FABP12: variants seen among roughly 807,000 people sequenced by gnomAD.
FABP12 encodes the protein fatty acid binding protein 12.
A neutral mutation model predicts 13.7 loss-of-function variants in FABP12; 19 were observed. The observed-to-expected ratio is 1.39, with a 90% CI of 0.97 to 2.04. The LOEUF (loss-of-function observed/expected upper bound fraction) is 2.04, where lower values mean the gene tolerates loss of function less well. Among genes scored for constraint, FABP12 ranks in the 30% most tolerant of loss-of-function variants. The pLI is 0.00. For synonymous variants in FABP12, 61 were observed against 57.0 expected, an observed-to-expected ratio of 1.07 and a Z score of -0.32; for missense variants, 182 against 164.2, an observed-to-expected ratio of 1.11 and a Z score of -0.59.
intron 1 of FABP12, among the ~76,000 whole-genome samples, chr8:81,568,656 T>C (rs538853677): frequency 2.6e-5 from 4 of 152,124 alleles, no homozygotes; most frequent in African/African-American, 9.6e-5. Context: ...AGGAAATCAG[T>C]ATATCAGACG....
chr8:81,560,447 T>C (rs1809704077), intron 1 of FABP12, among the ~76,000 whole-genome samples: 1 of 152,344 alleles, frequency 6.6e-6, no homozygotes, highest in East Asian at 1.9e-4. Context: ...CCTTTCTTTT[T>C]TTCTGTTTTT....
intron 1 of FABP12, among the ~76,000 whole-genome samples, chr8:81,541,922 A>T (rs1416371834): frequency 2.9e-5 from 4 of 140,260 alleles, no homozygotes; most frequent in Admixed American, 6.9e-5. Flanking sequence ...AAAAAAAAAA[A>T]AAAAAAAAAA....
intron 1 of FABP12, among the ~76,000 whole-genome samples, chr8:81,549,662 T>C (rs1809495142): frequency 1.3e-5 from 2 of 152,288 alleles, no homozygotes; most frequent in African/African-American, 2.4e-5. Flanking sequence ...AGAAGTGAAA[T>C]AGGGTACTGA....
intron 3 of FABP12, among the ~76,000 whole-genome samples, chr8:81,528,626 C>T (rs553911577): frequency 5.8e-4 from 89 of 152,228 alleles, no homozygotes; most frequent in African/African-American, 1.6e-3. Context: ...TGACCAAGCA[C>T]GGGGTTCTGT....
At chr8:81,554,197 A>G (rs1229287435) in intron 1 of FABP12, among the ~76,000 whole-genome samples, 3 of 152,246 alleles carry the variant, frequency 2.0e-5, no homozygotes, top group Non-Finnish European at 4.4e-5. Flanking sequence ...AAGGACACCA[A>G]AGATAATGGC....
At chr8:81,541,910 T>TA (rs1167487132) in intron 1 of FABP12, among the ~76,000 whole-genome samples, 1,535 of 71,042 alleles carry the variant, frequency 0.022, 54 homozygotes, top group East Asian at 0.042. Context: ...TCCCAGGGTT[T>TA]AAAAAAAAAA....
chr8:81,584,581 C>A (rs1298107832), intron 1 of FABP12, among the ~76,000 whole-genome samples: 3 of 14,042 alleles, frequency 2.1e-4, no homozygotes, highest in African/African-American at 5.7e-4. Flanking sequence ...TGGCTTCCCA[C>A]CCTGACCCAA....
intron 1 of FABP12, among the ~76,000 whole-genome samples, chr8:81,544,055 A>T (rs16909330): frequency 0.18 from 26,895 of 152,134 alleles, 2,339 homozygotes; most frequent in East Asian, 0.25. Flanking sequence ...TGGAGTAGGT[A>T]AGTTCACTCT....
chr8:81,567,357 G>A (rs567202185), intron 1 of FABP12, among the ~76,000 whole-genome samples: 2 of 152,194 alleles, frequency 1.3e-5, no homozygotes, highest in Non-Finnish European at 2.9e-5. Flanking sequence ...GCCAAAGCAA[G>A]CCTGAGCAAA....
chr8:81,551,232 GT>G (rs1563549589), intron 1 of FABP12, among the ~76,000 whole-genome samples: 1 of 152,114 alleles, frequency 6.6e-6, no homozygotes, highest in African/African-American at 2.4e-5. Context: ...ATTTAACTGT[GT>G]TTTTAGAAGC....
chr8:81,586,672 C>T (rs1563560585), intron 1 of FABP12, among the ~76,000 whole-genome samples: 1 of 152,044 alleles, frequency 6.6e-6, no homozygotes, highest in Non-Finnish European at 1.5e-5. Context: ...TGTCCTTTGC[C>T]CACTTTTTTA....
chr8:81,551,315 CTG>C (rs1019829195), intron 1 of FABP12, among the ~76,000 whole-genome samples: 4 of 152,132 alleles, frequency 2.6e-5, no homozygotes, highest in Non-Finnish European at 5.9e-5. Context: ...CCTCAGGTCA[CTG>C]TCATTCTAAA....
intron 1 of FABP12, among the ~76,000 whole-genome samples, chr8:81,542,740 T>A (rs1280450013): frequency 2.0e-5 from 3 of 152,248 alleles, no homozygotes; most frequent in Non-Finnish European, 2.9e-5. Context: ...CTAACTTTTA[T>A]GTGTCTGATT....
rs1585842416 is a variant in FABP12 at position 81,542,692 on chromosome 8, A to G, written c.-184-2949T>C. On this transcript the variant is annotated intron_variant, in intron 1 of 5. Coordinates refer to the FABP12 transcript ENST00000692030. ...GTTGCCAGTGATCTGCAGACAAGCC[A>G]TTGGGTCACTAATCCATATTTACGC... 2.0e-5 allele frequency among the ~76,000 whole-genome samples: 3 copies of G among 152,300 alleles called. 1 individual carries two copies. In the Middle Eastern group the frequency reaches 0.01, roughly 518 times the overall value.
At chr8:81,528,107 T>C (rs1808957093) in intron 3 of FABP12, among the ~76,000 whole-genome samples, 1 of 152,114 alleles carries the variant, frequency 6.6e-6, no homozygotes, top group Non-Finnish European at 1.5e-5. Flanking sequence ...GGAGATAGGG[T>C]ATCACTGTGT....
intron 1 of FABP12, among the ~76,000 whole-genome samples, chr8:81,542,493 C>T (rs1809367483): frequency 1.3e-5 from 2 of 152,152 alleles, no homozygotes; most frequent in East Asian, 3.9e-4. Flanking sequence ...TACAAGGACC[C>T]GAAAGCTAGA....
chr8:81,582,177 C>T (rs1810174446), intron 1 of FABP12, among the ~76,000 whole-genome samples: 1 of 122,104 alleles, frequency 8.2e-6, no homozygotes, highest in African/African-American at 3.1e-5. Flanking sequence ...GGCTGGAGTA[C>T]AGTGGCATAA....
At chr8:81,588,809 G>A (rs73281040) in intron 1 of FABP12, among the ~76,000 whole-genome samples, 2,285 of 152,296 alleles carry the variant, frequency 0.015, 51 homozygotes, top group African/African-American at 0.052. Flanking sequence ...GGAGATACAG[G>A]TTTGCTGGAA....
At chr8:81,560,910 T>A (rs973087013) in intron 1 of FABP12, among the ~76,000 whole-genome samples, 8 of 152,174 alleles carry the variant, frequency 5.3e-5, no homozygotes, top group Middle Eastern at 3.2e-3. Flanking sequence ...GAACTCACAT[T>A]TGGCTGTTGT....
Sources: gnomAD v4.1 joint callset for allele counts (sites outside exome capture counted in the v4.1 genomes callset) on GRCh38, gnomAD v4.1.1 for gene constraint, MANE v1.5 for transcripts, NCBI Gene and HGNC (gene_info 2026-07-23, HGNC 2026-07-21) for gene names.